CSMD2: variants seen among roughly 807,000 people sequenced by gnomAD.
CSMD2 encodes CUB and sushi domain-containing protein 2.
A neutral mutation model predicts 398.5 loss-of-function variants in CSMD2; 130 were observed. That is an observed-to-expected ratio of 0.33 (90% confidence interval 0.28 to 0.38). The LOEUF is 0.38. Among genes scored for constraint, CSMD2 ranks in the 10% least tolerant of loss-of-function variants. The pLI, the probability that CSMD2 is intolerant of heterozygous loss-of-function variation, is 1.00. For synonymous variants in CSMD2, 1,828 were observed against 1,908.5 expected (o/e 0.96, Z 1.10); for missense variants, 3,829 against 4,764.9 (o/e 0.80, Z 5.78).
intron 3 of CSMD2, among the ~76,000 whole-genome samples, chr1:33,953,572 C>CT (rs1182782368): frequency 1.3e-5 from 2 of 152,148 alleles, no homozygotes; most frequent in Admixed American, 6.5e-5. Context: ...GATCCATGGG[C>CT]TAGAATCCAA....
At chr1:33,737,005 C>T (rs1261318188) in intron 15 of CSMD2, among the ~76,000 whole-genome samples, 1 of 152,232 alleles carries the variant, frequency 6.6e-6, no homozygotes, top group East Asian at 1.9e-4. Context: ...GGTGAAAGAC[C>T]ACCGATTCAC....
chr1:33,556,206 G>C (rs1161325642), intron 55 of CSMD2, among the ~76,000 whole-genome samples: 7 of 152,158 alleles, frequency 4.6e-5, no homozygotes, highest in Admixed American at 1.3e-4. Flanking sequence ...AAAACAATTT[G>C]AGTCCACTAG....
intron 10 of CSMD2, chr1:33,804,936 T>C (rs1656048794): frequency 1.4e-6 from 1 of 715,994 alleles, no homozygotes; most frequent in African/African-American, 1.7e-5. Flanking sequence ...CTTTCTGGGC[T>C]CCCTCAGCAC....
chr1:33,648,477 C>T (rs2439650), intron 28 of CSMD2, among the ~76,000 whole-genome samples: 12,569 of 152,004 alleles, frequency 0.083, 567 homozygotes, highest in East Asian at 0.13. Context: ...CAGTACAATC[C>T]GGAAGACAAA....
At chr1:33,642,661 C>T (rs942589926) in intron 29 of CSMD2, among the ~76,000 whole-genome samples, 7 of 152,236 alleles carry the variant, frequency 4.6e-5, no homozygotes, top group Admixed American at 1.3e-4. Flanking sequence ...TTATTGTTAT[C>T]TGTATTGTTA....
chr1:33,575,231 G>C (rs1659962702), intron 49 of CSMD2, among the ~76,000 whole-genome samples: 1 of 151,534 alleles, frequency 6.6e-6, no homozygotes, highest in Non-Finnish European at 1.5e-5. Flanking sequence ...TGGGGAAGGA[G>C]AGAGAAGGCA....
chr1:33,543,070 C>T (rs1250568498), intron 57 of CSMD2, among the ~76,000 whole-genome samples, 174 bp from the exon 58 acceptor site: 51 of 152,262 alleles, frequency 3.3e-4, no homozygotes, highest in African/African-American at 1.2e-3. Flanking sequence ...GGAGAGACCC[C>T]TATGAATCTT....
At chr1:33,749,703 T>C (rs1396824311) in intron 13 of CSMD2, among the ~76,000 whole-genome samples, 1 of 152,074 alleles carries the variant, frequency 6.6e-6, no homozygotes, top group South Asian at 2.1e-4. Context: ...ATAATAACAC[T>C]AAGGTGATAA....
chr1:34,141,640 A>G (rs1639305428), intron 1 of CSMD2, among the ~76,000 whole-genome samples: 2 of 152,082 alleles, frequency 1.3e-5, no homozygotes, highest in South Asian at 4.2e-4. Flanking sequence ...AGTAAGCAGG[A>G]GCAAGTCTTA....
intron 55 of CSMD2, among the ~76,000 whole-genome samples, chr1:33,554,521 T>C (rs1657778230): frequency 6.6e-6 from 1 of 152,096 alleles, no homozygotes; most frequent in Admixed American, 6.6e-5. Context: ...TCCAGGACTT[T>C]CATAGCTAGA....
intron 2 of CSMD2, among the ~76,000 whole-genome samples, chr1:34,084,163 C>T (rs865895450): frequency 6.6e-6 from 1 of 152,092 alleles, no homozygotes; most frequent in Non-Finnish European, 1.5e-5. Context: ...AATGCTGTGC[C>T]GTGGCTGGGG....
chr1:33,888,756 T>TTTTTTTTTTTGTTGTTGTTG (rs1553244524), intron 5 of CSMD2, among the ~76,000 whole-genome samples: 4 of 148,822 alleles, frequency 2.7e-5, no homozygotes, highest in African/African-American at 1.0e-4. Context: ...TCAACTGATT[T>TTTTTTTTTTTGTTGTTGTTG]TTGTTGTTGT....
chr1:33,972,074 G>T (rs1390102340), intron 3 of CSMD2, among the ~76,000 whole-genome samples: 1 of 152,174 alleles, frequency 6.6e-6, no homozygotes, highest in African/African-American at 2.4e-5. Flanking sequence ...GATGTTCCAG[G>T]CTGGGGCAGG....
intron 25 of CSMD2, among the ~76,000 whole-genome samples, chr1:33,692,289 A>G (rs1051462677): frequency 2.2e-4 from 34 of 152,222 alleles, no homozygotes; most frequent in African/African-American, 8.0e-4. Flanking sequence ...GAAGGAATTT[A>G]TCTTTTGAAG....
intron 25 of CSMD2, among the ~76,000 whole-genome samples, chr1:33,676,555 A>G (rs533633979): frequency 2.4e-4 from 37 of 152,358 alleles, no homozygotes; most frequent in African/African-American, 7.9e-4. Context: ...TATAGATTCA[A>G]TGCCATCCCC....
At position 34,101,259 on chromosome 1, in the gene CSMD2, C is replaced by T. The variant is rs1231182469; in HGVS notation, c.188-12066G>A. ...AGCCAGGATGGTCTGCCTTCTTTCACCCATGCTTTGAGTTTCTGGTCAATG... is the reference window on the plus strand; with the variant it reads ...AGCCAGGATGGTCTGCCTTCTTTCATCCATGCTTTGAGTTTCTGGTCAATG... On this transcript the variant is annotated intron_variant, in intron 1 of 70. Coordinates refer to ENST00000373381, the MANE Select transcript of CSMD2 (RefSeq NM_001281956.2). 2.6e-5 allele frequency among the ~76,000 whole-genome samples: 4 copies of T among 152,300 alleles called. 1 individual carries two copies. In the East Asian group the frequency reaches 7.7e-4, roughly 29 times the overall value.
intron 9 of CSMD2, among the ~76,000 whole-genome samples, chr1:33,817,643 G>A (rs1012085673): frequency 6.6e-6 from 1 of 152,238 alleles, no homozygotes; most frequent in Non-Finnish European, 1.5e-5. Flanking sequence ...AGCAGGTTAA[G>A]CTGAATATGT....
intron 4 of CSMD2, among the ~76,000 whole-genome samples, chr1:33,921,094 T>C (rs1643921885): frequency 1.3e-5 from 2 of 152,166 alleles, no homozygotes; most frequent in Non-Finnish European, 2.9e-5. Flanking sequence ...AGAGCTGGAC[T>C]GCGAAGGTCC....
chr1:33,702,769 T>C (rs1645652486), intron 22 of CSMD2, among the ~76,000 whole-genome samples: 1 of 152,172 alleles, frequency 6.6e-6, no homozygotes, highest in Non-Finnish European at 1.5e-5. Flanking sequence ...GCGCCCAAAA[T>C]ATATGCTCTG....
Sources: gnomAD v4.1 joint callset for allele counts (sites outside exome capture counted in the v4.1 genomes callset) on GRCh38, gnomAD v4.1.1 for gene constraint, MANE v1.5 for transcripts, NCBI Gene and HGNC (gene_info 2026-07-23, HGNC 2026-07-21) for gene names.